COL4A5: variants seen among roughly 807,000 people sequenced by gnomAD.
COL4A5 encodes collagen alpha-5(IV) chain.
In COL4A5, 26 loss-of-function variants were observed where a neutral mutation model predicts 130.2. That is an observed-to-expected ratio of 0.20 (90% CI 0.15 to 0.28). The LOEUF (loss-of-function observed/expected upper bound fraction) is 0.28. Among genes scored for constraint, COL4A5 ranks in the 10% least tolerant of loss-of-function variants. The pLI, the probability that COL4A5 is intolerant of heterozygous loss-of-function variation, is 1.00. For missense variants in COL4A5, 1,131 were observed against 1,344.3 expected (o/e 0.84, Z 2.48); for synonymous variants, 496 against 439.6 (o/e 1.13, Z -1.60).
chrX:108,440,263 C>CT lies in COL4A5; in HGVS notation c.81+65dup, dbSNP rs1368375523. On this transcript the variant is annotated intron_variant, in intron 1 of 52. Coordinates refer to ENST00000328300, the MANE Select transcript of COL4A5 (RefSeq NM_033380.3). ...CACCGCTCTTTCACGCTGAAATTAC[C>CT]TTTTTTTTGGGGGGGGGGTCCCTTT... 6.4e-4 allele frequency: 520 copies of CT among 815,166 alleles called. 1 individual carries two copies. Among genetic ancestry groups the CT allele is most frequent in the African/African-American group, 5.3e-3 (224 of 41,976 alleles). 67.2% of individuals were successfully genotyped at this position (815,166 alleles called of 1,213,427 possible). A position where few individuals can be genotyped will look rare whatever the true frequency, so the allele number is the denominator to read the frequency against.
chrX:108,451,542 T>G (rs2064512698), intron 1 of COL4A5, among the ~76,000 whole-genome samples: 4 of 111,196 alleles, frequency 3.6e-5, no homozygotes, highest in Admixed American at 2.9e-4. Context: ...CCATTCTAAC[T>G]GGTGTGAGAT....
rs1391428826 is a variant in COL4A5, at chrX:108,601,962, G to A, written c.2119G>A (p.Gly707Arg). Residue 707 changes from glycine (G) to arginine (R), a missense_variant, in exon 27 of 53, where the codon GGG becomes AGG. Transcript: ENST00000328300. ...SKGEPGIPGIGLPGPPGPKGF... is the reference protein window; with the variant it reads ...SKGEPGIPGIRLPGPPGPKGF... Reference sequence around the variant, plus strand: ...AGGAGAACCAGGTATCCCTGGAATTGGGCTTCCTGGACCACCTGGTCCCAA... The same window carrying A: ...AGGAGAACCAGGTATCCCTGGAATTAGGCTTCCTGGACCACCTGGTCCCAA... The A allele has an allele frequency of 8.7e-7, 1 of 1,144,459 alleles. No individual in the cohort carries two copies. Among genetic ancestry groups the A allele is most frequent in the Non-Finnish European group, 1.2e-6 (1 of 845,773 alleles). 94.3% of individuals were successfully genotyped at this position (1,144,459 alleles called of 1,213,427 possible). A position where few individuals can be genotyped will look rare whatever the true frequency, so the allele number is the denominator to read the frequency against.
chrX:108,569,093 G>A (rs1326789532), intron 6 of COL4A5: 4 of 286,746 alleles, frequency 1.4e-5, no homozygotes, highest in African/African-American at 2.7e-5. Context: ...GAATTAAAAC[G>A]AAATTAGGAT....
chrX:108,669,861 T>C (rs1467273652), intron 41 of COL4A5, among the ~76,000 whole-genome samples: 1 of 111,737 alleles, frequency 8.9e-6, no homozygotes, highest in Non-Finnish European at 1.9e-5. Context: ...CTGATGAGTG[T>C]TTGTGACTTC....
intron 36 of COL4A5, among the ~76,000 whole-genome samples, chrX:108,633,646 A>T (rs1351636458): frequency 2.7e-5 from 3 of 111,352 alleles, no homozygotes; most frequent in Non-Finnish European, 5.7e-5. Context: ...TTTAATTGGT[A>T]AATGTCCAAA....
chrX:108,586,582 A>G, intron 18 of COL4A5, 33 bp from the exon 19 acceptor site: 4 of 1,176,317 alleles, frequency 3.4e-6, no homozygotes, highest in Non-Finnish European at 4.6e-6. Flanking sequence ...TCTTCTTTGC[A>G]TTTCTTTATT....
chrX:108,453,030 C>T (rs1277364576), intron 1 of COL4A5, among the ~76,000 whole-genome samples: 1 of 110,734 alleles, frequency 9.0e-6, no homozygotes, highest in Non-Finnish European at 1.9e-5. Context: ...GAGTTTTTAG[C>T]CTGAAGGGTT....
At chrX:108,621,181 C>A (rs1377594190) in intron 31 of COL4A5, among the ~76,000 whole-genome samples, 5 of 95,083 alleles carry the variant, frequency 5.3e-5, no homozygotes, top group Non-Finnish European at 1.0e-4. Flanking sequence ...GAGACAGGGT[C>A]TCACTCTGTC....
intron 1 of COL4A5, among the ~76,000 whole-genome samples, chrX:108,486,841 G>A (rs201527982): frequency 1.8e-5 from 2 of 112,035 alleles, no homozygotes; most frequent in East Asian, 5.6e-4. Flanking sequence ...GGGTATTTGG[G>A]CTGGTTTCCA....
chrX:108,663,938 G>C (rs182898220), intron 37 of COL4A5, among the ~76,000 whole-genome samples: 1 of 111,919 alleles, frequency 8.9e-6, no homozygotes, highest in African/African-American at 3.2e-5. Flanking sequence ...TGTAATCCCA[G>C]CACTTTGTGA....
intron 52 of COL4A5, 88 bp downstream of exon 52, chrX:108,695,527 C>T: frequency 1.1e-6 from 1 of 930,052 alleles, no homozygotes; most frequent in Non-Finnish European, 1.6e-6. Context: ...GGTTTATCCT[C>T]AACAAATGTT....
chrX:108,594,556 C>T (rs932171685), intron 21 of COL4A5, among the ~76,000 whole-genome samples: 1 of 110,670 alleles, frequency 9.0e-6, no homozygotes, highest in African/African-American at 3.3e-5. Flanking sequence ...ATATGCCATT[C>T]GTTATAAACT....
chrX:108,543,791 T>C (rs183982691), intron 2 of COL4A5, among the ~76,000 whole-genome samples: 1 of 112,009 alleles, frequency 8.9e-6, no homozygotes, highest in East Asian at 2.8e-4. Flanking sequence ...CGTTGAGCAG[T>C]GGTTTGTAAT....
At chrX:108,619,623 A>C (rs1304141688) in intron 30 of COL4A5, among the ~76,000 whole-genome samples, 1 of 112,081 alleles carries the variant, frequency 8.9e-6, no homozygotes, top group African/African-American at 3.2e-5. Context: ...GACAAAAAAT[A>C]CTAATAGTAA....
intron 19 of COL4A5, among the ~76,000 whole-genome samples, chrX:108,590,401 T>C (rs1039477464): frequency 8.1e-5 from 9 of 111,354 alleles, no homozygotes; most frequent in African/African-American, 2.3e-4. Context: ...TTGTAAATTA[T>C]TATTAAATAA....
chrX:108,695,540 G>T, intron 52 of COL4A5, 101 bp downstream of exon 52: 1 of 852,590 alleles, frequency 1.2e-6, no homozygotes, highest in East Asian at 3.2e-5. Context: ...CAAATGTTAG[G>T]AATTTATTGG....
intron 1 of COL4A5, among the ~76,000 whole-genome samples, chrX:108,506,453 G>A (rs1305483759): frequency 9.1e-6 from 1 of 110,363 alleles, no homozygotes; most frequent in Non-Finnish European, 1.9e-5. Flanking sequence ...TTTTGTGGAA[G>A]ACAATTTTTC....
At chrX:108,541,386 A>G (rs2065537214) in intron 2 of COL4A5, among the ~76,000 whole-genome samples, 1 of 112,420 alleles carries the variant, frequency 8.9e-6, no homozygotes, top group African/African-American at 3.2e-5. Context: ...ACTTGATAGT[A>G]CAAGAGAATA....
chrX:108,616,116 A>G (rs1375257072), intron 30 of COL4A5, among the ~76,000 whole-genome samples: 2 of 112,106 alleles, frequency 1.8e-5, no homozygotes, highest in African/African-American at 6.5e-5. Flanking sequence ...AGGTTGTTAC[A>G]AAATAGCTGC....
Sources: gnomAD v4.1 joint callset for allele counts (sites outside exome capture counted in the v4.1 genomes callset) on GRCh38, gnomAD v4.1.1 for gene constraint, MANE v1.5 for transcripts, NCBI Gene and HGNC (gene_info 2026-07-23, HGNC 2026-07-21) for gene names.